The following CEP83 variants were observed in gnomAD, a reference collection of about 807,000 sequenced individuals.
The protein encoded by CEP83 is centrosomal protein of 83 kDa.
A neutral mutation model predicts 101.9 loss-of-function variants in CEP83; 70 were observed. That is an observed-to-expected ratio of 0.69 (90% CI 0.57 to 0.84). CEP83 has a LOEUF of 0.84. CEP83 is among the 40% of genes least tolerant of loss of function. CEP83 has a pLI of 0.00. For synonymous variants in CEP83, 264 were observed against 267.9 expected, an observed-to-expected ratio of 0.99 and a Z score of 0.14; for missense variants, 715 against 787.2, an observed-to-expected ratio of 0.91 and a Z score of 1.10.
At chr12:94,430,619 GGGCACCACAA>G (rs1190141303) in intron 2 of CEP83, among the ~76,000 whole-genome samples, 1 of 152,042 alleles carries the variant, frequency 6.6e-6, no homozygotes, top group Non-Finnish European at 1.5e-5. Context: ...TGTGACATAT[GGGCACCACAA>G]GGCAACTAAA....
At chr12:94,420,664 A>G (rs1183777156) in intron 2 of CEP83, among the ~76,000 whole-genome samples, 1 of 152,106 alleles carries the variant, frequency 6.6e-6, no homozygotes, top group Non-Finnish European at 1.5e-5. Flanking sequence ...TTCTTCTTCC[A>G]GTGTGGCCCA....
At chr12:94,363,835 C>T (rs1368646551) in intron 11 of CEP83, among the ~76,000 whole-genome samples, 1 of 151,494 alleles carries the variant, frequency 6.6e-6, no homozygotes, top group East Asian at 1.9e-4. Context: ...TTAATCCCAG[C>T]TACTTGGGAG....
At chr12:94,420,359 C>A (rs2064627457) in intron 2 of CEP83, among the ~76,000 whole-genome samples, 2 of 152,092 alleles carry the variant, frequency 1.3e-5, no homozygotes, top group South Asian at 4.1e-4. Flanking sequence ...TTATTCCTAA[C>A]AACTGAAACC....
intron 11 of CEP83, among the ~76,000 whole-genome samples, chr12:94,365,329 C>T (rs1482549379): frequency 1.3e-5 from 2 of 152,132 alleles, no homozygotes; most frequent in African/African-American, 4.8e-5. Flanking sequence ...ATATAATTCT[C>T]TTGGATGGAA....
intron 1 of CEP83, among the ~76,000 whole-genome samples, chr12:94,455,051 T>C (rs2067561826): frequency 6.6e-6 from 1 of 152,088 alleles, no homozygotes; most frequent in South Asian, 2.1e-4. Context: ...CTTTAAGAAC[T>C]GCAACATTCA....
Position 94,454,378 on chromosome 12 carries a change from G to A in CEP83, c.-155+5179C>T, listed in dbSNP as rs150945255. On this transcript the variant is annotated intron_variant, in intron 1 of 16. Transcript: ENST00000397809. ...TGAAGCCAGCTGGGATTCTGGGTCC[G>A]GTGTGGACTTGGAGAACTTTTCTGT... Among the ~76,000 whole-genome samples, 134 of 152,264 alleles carry A rather than the reference G, an allele frequency of 8.8e-4. 1 individual carries two copies. In the East Asian group the frequency reaches 0.022, roughly 25 times the overall value.
At position 94,423,672 on chromosome 12, in the gene CEP83, T is replaced by C. The variant is rs1455525707; in HGVS notation, c.-101-11081A>G. On this transcript the variant is annotated intron_variant, in intron 2 of 16. Transcript: ENST00000397809. ...TGGTCTCCATTCCTGGTTAACCCTC[T>C]GGAATTTGGGAGCATGAGTATCTCC... The C allele has an allele frequency of 9.5e-6, 15 of 1,572,802 alleles. No homozygotes were observed. In the Admixed American group the frequency reaches 1.1e-4, roughly 12 times the overall value.
chr12:94,449,446 A>G (rs1006652595), intron 1 of CEP83, among the ~76,000 whole-genome samples: 4 of 152,106 alleles, frequency 2.6e-5, no homozygotes, highest in Admixed American at 6.6e-5. Flanking sequence ...ACCATATTCA[A>G]CAACATATAA....
At chr12:94,458,269 A>C (rs922413639) in intron 1 of CEP83, among the ~76,000 whole-genome samples, 3 of 152,158 alleles carry the variant, frequency 2.0e-5, no homozygotes, top group Non-Finnish European at 2.9e-5. Flanking sequence ...ATGGAATTCT[A>C]AATTGTATTT....
chr12:94,396,316 C>T (rs1202353909), intron 6 of CEP83, among the ~76,000 whole-genome samples: 27 of 125,370 alleles, frequency 2.2e-4, no homozygotes, highest in African/African-American at 8.2e-4. Flanking sequence ...TGAGACAGAG[C>T]CTCATTCTGT....
chr12:94,313,842 G>C (rs1970251801), intron 14 of CEP83, among the ~76,000 whole-genome samples: 2 of 151,890 alleles, frequency 1.3e-5, no homozygotes, highest in African/African-American at 4.8e-5. Flanking sequence ...TCTCAAAAAA[G>C]GAAAAGAAAA....
chr12:94,431,584 AAACTT>A (rs1396736939), intron 2 of CEP83, among the ~76,000 whole-genome samples: 1 of 151,806 alleles, frequency 6.6e-6, no homozygotes, highest in African/African-American at 2.4e-5. Context: ...AAGAAAATCA[AAACTT>A]AACGGTAAAA....
intron 11 of CEP83, among the ~76,000 whole-genome samples, chr12:94,355,062 T>A (rs972908775): frequency 6.7e-6 from 1 of 150,350 alleles, no homozygotes; most frequent in South Asian, 2.1e-4. Flanking sequence ...AAAATAAAAA[T>A]GCAACATACC....
chr12:94,363,427 T>C (rs927227538), intron 11 of CEP83, among the ~76,000 whole-genome samples: 8 of 152,176 alleles, frequency 5.3e-5, no homozygotes, highest in African/African-American at 1.9e-4. Context: ...GAAAATAGAA[T>C]GGCAGTTCCT....
chr12:94,380,885 G>A (rs150064350), intron 6 of CEP83, among the ~76,000 whole-genome samples: 1 of 152,212 alleles, frequency 6.6e-6, no homozygotes, highest in African/African-American at 2.4e-5. Flanking sequence ...AGGCATCTGT[G>A]TGATAGCTGA....
intron 11 of CEP83, among the ~76,000 whole-genome samples, chr12:94,353,203 A>G (rs1279208489): frequency 6.6e-6 from 1 of 152,228 alleles, no homozygotes; most frequent in Non-Finnish European, 1.5e-5. Flanking sequence ...ACTCAAAAGT[A>G]GTGAAAGAAA....
the CEP83 span, among the ~76,000 whole-genome samples, chr12:94,283,174 A>G: frequency 2.0e-5 from 3 of 152,336 alleles, no homozygotes; most frequent in African/African-American, 4.8e-5. Context: ...CGGAGAGACA[A>G]GTAGAGTCAA....
intron 11 of CEP83, among the ~76,000 whole-genome samples, chr12:94,345,383 A>AC (rs1470188296): frequency 6.6e-6 from 1 of 152,334 alleles, no homozygotes; most frequent in South Asian, 2.1e-4. Context: ...CTAAAACAAT[A>AC]CATGTATCTT....
chr12:94,379,443 T>A (rs1177323681), intron 6 of CEP83, among the ~76,000 whole-genome samples: 1 of 152,220 alleles, frequency 6.6e-6, no homozygotes, highest in African/African-American at 2.4e-5. Flanking sequence ...TAGTCTATAC[T>A]AATAAAATTA....
Sources: allele counts gnomAD v4.1 joint callset (sites outside exome capture counted in the v4.1 genomes callset), GRCh38; gene constraint gnomAD v4.1.1; transcripts MANE v1.5; gene names NCBI Gene and HGNC (gene_info 2026-07-23, HGNC 2026-07-21).